Variants in SAMTOR observed in about 807,000 individuals in gnomAD.
SAMTOR encodes S-adenosylmethionine sensor upstream of mTORC1.
chr7:112,850,100 G>A, the SAMTOR span, among the ~76,000 whole-genome samples: 1 of 152,120 alleles, frequency 6.6e-6, no homozygotes, highest in Non-Finnish European at 1.5e-5. Flanking sequence ...CAGCTACTTG[G>A]GAGGCTGAGG....
At chr7:112,921,781 C>CCTA in the SAMTOR span, among the ~76,000 whole-genome samples, 1 of 4,452 alleles carries the variant, frequency 2.2e-4, no homozygotes, top group Non-Finnish European at 4.1e-4. Context: ...TCAACAAGGA[C>CCTA]ATTAACAGAC....
chr7:112,886,710 A>G, the SAMTOR span, among the ~76,000 whole-genome samples: 9 of 152,350 alleles, frequency 5.9e-5, no homozygotes, highest in African/African-American at 1.9e-4. Flanking sequence ...AAAGGACTTC[A>G]TACAGTGTAG....
chr7:112,821,032 A>C, the SAMTOR span: 1 of 152,508 alleles, frequency 6.6e-6, no homozygotes, highest in Non-Finnish European at 1.5e-5. Context: ...ACCAAGGCCC[A>C]AATCAACAAG....
chr7:112,906,340 T>C, the SAMTOR span, among the ~76,000 whole-genome samples: 1 of 152,188 alleles, frequency 6.6e-6, no homozygotes. Flanking sequence ...GGGACTACCA[T>C]TGTATGTAGT....
chr7:112,833,655 C>T, the SAMTOR span, among the ~76,000 whole-genome samples: 1 of 152,096 alleles, frequency 6.6e-6, no homozygotes, highest in African/African-American at 2.4e-5. Flanking sequence ...AAATATACTT[C>T]TTATAAATTG....
the SAMTOR span, among the ~76,000 whole-genome samples, chr7:112,883,933 T>G: frequency 1.3e-5 from 2 of 152,174 alleles, no homozygotes; most frequent in Non-Finnish European, 2.9e-5. Flanking sequence ...ATGGGTCAAT[T>G]TATAAAGGAA....
the SAMTOR span, chr7:112,832,540 C>T: frequency 7.2e-7 from 1 of 1,395,042 alleles, no homozygotes; most frequent in African/African-American, 1.4e-5. Flanking sequence ...TATTAAAGTC[C>T]AAAAACAAAA....
the SAMTOR span, among the ~76,000 whole-genome samples, chr7:112,829,009 T>G: frequency 6.6e-6 from 1 of 152,180 alleles, no homozygotes; most frequent in Non-Finnish European, 1.5e-5. Context: ...TTCTTTTGTT[T>G]GGGGTTTGTT....
At chr7:112,868,612 A>T in the SAMTOR span, among the ~76,000 whole-genome samples, 2 of 152,222 alleles carry the variant, frequency 1.3e-5, no homozygotes, top group Non-Finnish European at 2.9e-5. Context: ...CCTAGGACTG[A>T]GAGGAGGACA....
the SAMTOR span, among the ~76,000 whole-genome samples, chr7:112,856,924 A>G: frequency 6.6e-6 from 1 of 152,190 alleles, no homozygotes; most frequent in South Asian, 2.1e-4. Flanking sequence ...CTTATCTGAT[A>G]AGTTAGGTTC....
chr7:112,910,404 TAATA>T, the SAMTOR span, among the ~76,000 whole-genome samples: 2 of 152,184 alleles, frequency 1.3e-5, no homozygotes, highest in African/African-American at 2.4e-5. Context: ...GAATGCCAGC[TAATA>T]AATGTCAAGA....
chr7:112,934,756 C>A, the SAMTOR span, among the ~76,000 whole-genome samples: 1 of 152,134 alleles, frequency 6.6e-6, no homozygotes, highest in African/African-American at 2.4e-5. Flanking sequence ...GGCTAAGAAC[C>A]GCTATGTTAG....
At chr7:112,865,396 G>A in the SAMTOR span, among the ~76,000 whole-genome samples, 1 of 151,750 alleles carries the variant, frequency 6.6e-6, no homozygotes, top group African/African-American at 2.4e-5. Flanking sequence ...TCGTGCCTCA[G>A]CCTCCCAAGT....
the SAMTOR span, among the ~76,000 whole-genome samples, chr7:112,857,382 C>T: frequency 6.7e-5 from 10 of 148,820 alleles, no homozygotes; most frequent in Middle Eastern, 3.4e-3. Context: ...TGAGCCACCG[C>T]GCCCGGCCAT....
the SAMTOR span, among the ~76,000 whole-genome samples, chr7:112,875,599 G>C: frequency 6.6e-6 from 1 of 152,018 alleles, no homozygotes. Context: ...TTTCCCTCAA[G>C]GCATTACCCC....
the SAMTOR span, among the ~76,000 whole-genome samples, chr7:112,848,555 T>G: frequency 6.6e-6 from 1 of 152,066 alleles, no homozygotes; most frequent in South Asian, 2.1e-4. Context: ...GAAGGGAAAC[T>G]CAGAGCGCTG....
the SAMTOR span, among the ~76,000 whole-genome samples, chr7:112,850,902 A>G: frequency 6.6e-6 from 1 of 152,248 alleles, no homozygotes; most frequent in Non-Finnish European, 1.5e-5. Flanking sequence ...AACATACAAA[A>G]GTCAGTAGCA....
the SAMTOR span, among the ~76,000 whole-genome samples, chr7:112,938,880 G>C: frequency 6.6e-6 from 1 of 152,166 alleles, no homozygotes; most frequent in Non-Finnish European, 1.5e-5. Context: ...GGGCTTTATC[G>C]GCAGGTGTCT....
chr7:112,858,375 T>C, the SAMTOR span, among the ~76,000 whole-genome samples: 1 of 151,204 alleles, frequency 6.6e-6, no homozygotes. Context: ...ATGTTTACCC[T>C]GACAGTAAAA....
Sources: gnomAD v4.1 joint callset for allele counts (sites outside exome capture counted in the v4.1 genomes callset) on GRCh38, gnomAD v4.1.1 for gene constraint, MANE v1.5 for transcripts, NCBI Gene and HGNC (gene_info 2026-07-23, HGNC 2026-07-21) for gene names.